LDAH: variants seen among roughly 807,000 people sequenced by gnomAD.
LDAH encodes the protein lipid droplet associated hydrolase, also known as lipid droplet-associated hydrolase.
Under a neutral mutation model 29.6 loss-of-function variants are expected in LDAH, and 26 were observed. The observed-to-expected ratio is 0.88, with a 90% CI of 0.64 to 1.22. The LOEUF (loss-of-function observed/expected upper bound fraction) is 1.22, where lower values mean the gene tolerates loss of function less well. LDAH is among the 50% of genes most tolerant of loss of function. LDAH has a pLI of 0.00. For synonymous variants in LDAH, 117 were observed against 133.0 expected (o/e 0.88, Z 0.83); for missense variants, 344 against 387.3 (o/e 0.89, Z 0.94).
chr2:20,756,895 C>T (rs922463109), intron 4 of LDAH, among the ~76,000 whole-genome samples: 5 of 152,014 alleles, frequency 3.3e-5, no homozygotes, highest in African/African-American at 1.2e-4. Context: ...TAAAACTTTC[C>T]AGAGGAAGAA....
At chr2:20,730,970 A>G (rs1217973653) in intron 5 of LDAH, among the ~76,000 whole-genome samples, 1 of 152,246 alleles carries the variant, frequency 6.6e-6, no homozygotes, top group East Asian at 1.9e-4. Context: ...TTGCAACCAG[A>G]CAGACTCACT....
At chr2:20,710,606 G>GTGTGTGTGTATATATATATCTA (rs1467950593) in intron 5 of LDAH, among the ~76,000 whole-genome samples, 1 of 131,874 alleles carries the variant, frequency 7.6e-6, no homozygotes. Flanking sequence ...GTGTGTGTGT[G>GTGTGTGTGTATATATATATCTA]TATATATATA....
chr2:20,781,998 T>C lies in LDAH; in HGVS notation c.299-7019A>G, dbSNP rs577738102. Among the ~76,000 whole-genome samples the C allele has an allele frequency of 2.0e-5, 3 of 152,332 alleles. No individual in the cohort carries two copies. The South Asian group carries it at 6.2e-4, about 32-fold the overall frequency. Reference sequence around the variant, plus strand: ...TAAATAATAAGATGTCAATTTACAATAAGAATTAAAGCTGTTTCCTAAAAA... The same window carrying C: ...TAAATAATAAGATGTCAATTTACAACAAGAATTAAAGCTGTTTCCTAAAAA... On this transcript the variant is annotated intron_variant, in intron 3 of 6. Coordinates refer to ENST00000237822, the MANE Select transcript of LDAH (RefSeq NM_021925.4).
intron 5 of LDAH, 58 bp downstream of exon 5, chr2:20,739,913 T>C (rs927083309): frequency 5.0e-5 from 65 of 1,311,276 alleles, no homozygotes; most frequent in Admixed American, 3.6e-5. Context: ...TCAGAGAGTA[T>C]TGTGTAAACA....
At chr2:20,786,125 T>A (rs539277948) in intron 3 of LDAH, among the ~76,000 whole-genome samples, 2 of 152,314 alleles carry the variant, frequency 1.3e-5, no homozygotes, top group South Asian at 4.1e-4. Flanking sequence ...GTAATAGGAA[T>A]GAGGTAAATA....
At chr2:20,695,016 C>T (rs1663333555) in intron 6 of LDAH, among the ~76,000 whole-genome samples, 1 of 152,242 alleles carries the variant, frequency 6.6e-6, no homozygotes, top group South Asian at 2.1e-4. Flanking sequence ...GTGTTTCTGT[C>T]CTTCCCTGGA....
intron 1 of LDAH, among the ~76,000 whole-genome samples, chr2:20,802,465 T>C (rs1572665243): frequency 6.6e-6 from 1 of 152,144 alleles, no homozygotes; most frequent in East Asian, 1.9e-4. Context: ...GAGTAATTAG[T>C]TATGTGCAAA....
intron 3 of LDAH, chr2:20,789,103 C>T (rs1433882083): frequency 9.0e-6 from 14 of 1,547,992 alleles, no homozygotes; most frequent in Non-Finnish European, 1.2e-5. Flanking sequence ...ACCTCTGCAC[C>T]CACCTCCATG....
chr2:20,754,061 T>C (rs555608817), intron 4 of LDAH, among the ~76,000 whole-genome samples: 1 of 152,202 alleles, frequency 6.6e-6, no homozygotes, highest in African/African-American at 2.4e-5. Flanking sequence ...AGTTAGAAAA[T>C]CTTGGTAAAG....
intron 5 of LDAH, among the ~76,000 whole-genome samples, chr2:20,726,701 T>C (rs112498693): frequency 6.6e-6 from 1 of 152,214 alleles, no homozygotes; most frequent in Non-Finnish European, 1.5e-5. Flanking sequence ...GAGAAATGTT[T>C]CGTAGTCAAC....
chr2:20,812,492 G>C (rs1040296377), intron 1 of LDAH, among the ~76,000 whole-genome samples: 1 of 152,162 alleles, frequency 6.6e-6, no homozygotes, highest in African/African-American at 2.4e-5. Context: ...TGCAGAGCAA[G>C]TATCAAAATC....
At chr2:20,719,606 G>T (rs929782827) in intron 5 of LDAH, among the ~76,000 whole-genome samples, 1 of 151,974 alleles carries the variant, frequency 6.6e-6, no homozygotes, top group African/African-American at 2.4e-5. Flanking sequence ...GAAGAGGAGG[G>T]AATATTTCCA....
chr2:20,746,264 A>G (rs944135331), intron 4 of LDAH, among the ~76,000 whole-genome samples: 6 of 152,252 alleles, frequency 3.9e-5, no homozygotes, highest in Non-Finnish European at 8.8e-5. Context: ...AACAGGAAAC[A>G]ATCCATTACT....
intron 5 of LDAH, among the ~76,000 whole-genome samples, chr2:20,724,817 T>C (rs1369287376): frequency 2.6e-5 from 4 of 152,230 alleles, no homozygotes; most frequent in Non-Finnish European, 2.9e-5. Flanking sequence ...GCAAGCCAAG[T>C]TGTGCTGCTG....
intron 5 of LDAH, among the ~76,000 whole-genome samples, chr2:20,737,420 A>C (rs1023467946): frequency 6.6e-6 from 1 of 152,210 alleles, no homozygotes; most frequent in African/African-American, 2.4e-5. Context: ...GAAAATGACA[A>C]AAAGCAACAA....
chr2:20,716,879 A>C, intron 5 of LDAH, among the ~76,000 whole-genome samples: 1 of 102,806 alleles, frequency 9.7e-6, no homozygotes, highest in South Asian at 3.2e-4. Context: ...CCTCCAGACA[A>C]GAAGAGCCTG....
chr2:20,749,427 T>C (rs2124888849), intron 4 of LDAH, among the ~76,000 whole-genome samples: 1 of 152,304 alleles, frequency 6.6e-6, no homozygotes, highest in Admixed American at 6.5e-5. Context: ...CAGTTCCATA[T>C]ACTAAAATGC....
At chr2:20,720,442 T>C (rs929612771) in intron 5 of LDAH, among the ~76,000 whole-genome samples, 2 of 152,042 alleles carry the variant, frequency 1.3e-5, no homozygotes, top group Non-Finnish European at 2.9e-5. Context: ...TAAGGAAAAC[T>C]ATAAAACACT....
chr2:20,695,460 T>G (rs1663374597), intron 6 of LDAH, among the ~76,000 whole-genome samples: 1 of 151,918 alleles, frequency 6.6e-6, no homozygotes, highest in African/African-American at 2.4e-5. Context: ...CTTTCTTTTT[T>G]TTTTTTTTTT....
Sources: allele counts gnomAD v4.1 joint callset (sites outside exome capture counted in the v4.1 genomes callset), GRCh38; gene constraint gnomAD v4.1.1; transcripts MANE v1.5; gene names NCBI Gene and HGNC (gene_info 2026-07-23, HGNC 2026-07-21).